The following OPCML variants were observed in gnomAD, a reference collection of about 807,000 sequenced individuals.
The protein encoded by OPCML is opioid binding protein/cell adhesion molecule like.
A neutral mutation model predicts 37.8 loss-of-function variants in OPCML; 13 were observed. The observed-to-expected ratio is 0.34, with a 90% CI of 0.22 to 0.55. The LOEUF is 0.55. Ranked by LOEUF, OPCML falls within the 20% of genes least tolerant of loss-of-function variation. The pLI is 0.91. For missense variants in OPCML, 341 were observed against 435.6 expected (o/e 0.78, Z 1.93); for synonymous variants, 176 against 168.8 (o/e 1.04, Z -0.33).
At chr11:133,248,116 A>T (rs918390156) in intron 1 of OPCML, among the ~76,000 whole-genome samples, 1 of 152,176 alleles carries the variant, frequency 6.6e-6, no homozygotes, top group African/African-American at 2.4e-5. Context: ...ACTGTAGATC[A>T]CTCTTTTATT....
At chr11:133,333,539 T>C (rs1943673489) in intron 1 of OPCML, among the ~76,000 whole-genome samples, 1 of 152,104 alleles carries the variant, frequency 6.6e-6, no homozygotes, top group Admixed American at 6.6e-5. Context: ...CTATAAAAAC[T>C]CTGGAAGATA....
chr11:132,435,390 C>T (rs1343377186), intron 7 of OPCML, among the ~76,000 whole-genome samples: 4 of 152,368 alleles, frequency 2.6e-5, no homozygotes, highest in Non-Finnish European at 4.4e-5. Context: ...AATCAAACCT[C>T]AGCAAATAAA....
At chr11:133,319,215 C>A (rs1157056994) in intron 1 of OPCML, among the ~76,000 whole-genome samples, 1 of 152,094 alleles carries the variant, frequency 6.6e-6, no homozygotes, top group Non-Finnish European at 1.5e-5. Flanking sequence ...AAAAAATATT[C>A]ATGACACATC....
At chr11:133,416,399 G>T (rs1162158748) in intron 1 of OPCML, among the ~76,000 whole-genome samples, 1 of 152,126 alleles carries the variant, frequency 6.6e-6, no homozygotes, top group Non-Finnish European at 1.5e-5. Flanking sequence ...TCTGCCTGTA[G>T]GACCTTCCTT....
At chr11:133,350,807 T>G (rs1008526899) in intron 1 of OPCML, among the ~76,000 whole-genome samples, 2 of 152,200 alleles carry the variant, frequency 1.3e-5, no homozygotes, top group African/African-American at 4.8e-5. Flanking sequence ...GACAGGCAGC[T>G]TCTTCTCTCT....
intron 1 of OPCML, among the ~76,000 whole-genome samples, chr11:132,979,679 ATGT>A (rs1221042210): frequency 6.6e-6 from 1 of 152,234 alleles, no homozygotes; most frequent in Non-Finnish European, 1.5e-5. Context: ...CTAGAACAAA[ATGT>A]TGCTTAACAT....
intron 1 of OPCML, among the ~76,000 whole-genome samples, chr11:133,507,804 A>G (rs971721339): frequency 2.6e-5 from 4 of 152,206 alleles, no homozygotes; most frequent in Admixed American, 2.0e-4. Flanking sequence ...AAAGTTAGCC[A>G]GGCGTGGTGA....
intron 1 of OPCML, among the ~76,000 whole-genome samples, chr11:133,322,936 C>A (rs1486144556): frequency 2.6e-5 from 4 of 152,194 alleles, no homozygotes; most frequent in African/African-American, 9.7e-5. Context: ...TATTTTTCAA[C>A]ATCTACTTGC....
At chr11:132,575,120 A>G (rs769449048) in intron 3 of OPCML, among the ~76,000 whole-genome samples, 57 of 151,976 alleles carry the variant, frequency 3.8e-4, no homozygotes, top group Non-Finnish European at 7.7e-4. Flanking sequence ...TTCTCCATTC[A>G]TTAATTTTAA....
chr11:132,461,037 T>G (rs1336510596), intron 4 of OPCML, among the ~76,000 whole-genome samples: 1 of 152,146 alleles, frequency 6.6e-6, no homozygotes, highest in Non-Finnish European at 1.5e-5. Context: ...TGAGTGAGGT[T>G]AATGATGTAC....
intron 1 of OPCML, among the ~76,000 whole-genome samples, chr11:133,232,043 T>C (rs114138053): frequency 0.012 from 1,880 of 152,154 alleles, 35 homozygotes; most frequent in African/African-American, 0.041. Context: ...GGAAGAGAGA[T>C]GAAACAAATT....
At chr11:133,322,553 C>G (rs1943357562) in intron 1 of OPCML, among the ~76,000 whole-genome samples, 1 of 152,088 alleles carries the variant, frequency 6.6e-6, no homozygotes, top group Non-Finnish European at 1.5e-5. Context: ...CCAGTTGATT[C>G]TGAGCACTGC....
chr11:132,747,217 G>A (rs916509475), intron 2 of OPCML, among the ~76,000 whole-genome samples: 1 of 152,276 alleles, frequency 6.6e-6, no homozygotes, highest in Admixed American at 6.5e-5. Context: ...TGGCATTCAG[G>A]AAAAATCAAT....
At chr11:132,635,056 C>T (rs1940399637) in intron 3 of OPCML, among the ~76,000 whole-genome samples, 1 of 152,106 alleles carries the variant, frequency 6.6e-6, no homozygotes, top group Non-Finnish European at 1.5e-5. Flanking sequence ...AATCCAATAT[C>T]ATTTTTAACT....
At chr11:132,465,484 T>C (rs901087599) in intron 4 of OPCML, among the ~76,000 whole-genome samples, 1 of 152,184 alleles carries the variant, frequency 6.6e-6, no homozygotes, top group Admixed American at 6.5e-5. Context: ...TATCCACTTG[T>C]ATTTTTTTAC....
rs188697552 is a variant in OPCML at position 133,206,699 on chromosome 11, A to T, written c.62-263689T>A. Reference sequence around the variant, plus strand: ...TGCTCGATGAAGCTTCTATCTGTGTATCCTGGTGTGCTTGTTTACCAGCTG... The same window carrying T: ...TGCTCGATGAAGCTTCTATCTGTGTTTCCTGGTGTGCTTGTTTACCAGCTG... On this transcript the variant is annotated intron_variant, in intron 1 of 7. Coordinates refer to ENST00000524381, the MANE Select transcript of OPCML (RefSeq NM_001012393.5). The surrounding 1 kb of genome is among the most constrained non-coding windows in gnomAD (Gnocchi z 4.7). 3.9e-5 allele frequency among the ~76,000 whole-genome samples: 6 copies of T among 152,296 alleles called. No homozygotes were observed. In the East Asian group the frequency reaches 1.2e-3, roughly 29 times the overall value.
At chr11:132,866,923 G>A (rs1464967630) in intron 2 of OPCML, among the ~76,000 whole-genome samples, 2 of 152,162 alleles carry the variant, frequency 1.3e-5, no homozygotes, top group African/African-American at 4.8e-5. Flanking sequence ...TGTATTCACT[G>A]ATCAACTTCT....
chr11:133,026,021 C>T, intron 1 of OPCML: 1 of 982,306 alleles, frequency 1.0e-6, no homozygotes, highest in Non-Finnish European at 1.2e-6. Flanking sequence ...AGACATGAGC[C>T]ACCACGCCCA....
intron 1 of OPCML, among the ~76,000 whole-genome samples, chr11:133,053,295 G>T (rs1948165276): frequency 6.6e-6 from 1 of 152,192 alleles, no homozygotes; most frequent in Non-Finnish European, 1.5e-5. Flanking sequence ...CGCATGGCGT[G>T]CATTGTGATT....
Sources: allele counts gnomAD v4.1 joint callset (sites outside exome capture counted in the v4.1 genomes callset), GRCh38; gene constraint gnomAD v4.1.1; non-coding constraint Gnocchi (gnomAD v3.1); transcripts MANE v1.5; gene names NCBI Gene and HGNC (gene_info 2026-07-23, HGNC 2026-07-21).